Variants in TAFA5 observed in about 807,000 individuals in gnomAD.
The protein encoded by TAFA5 is TAFA chemokine like family member 5.
A neutral mutation model predicts 15.3 loss-of-function variants in TAFA5; 6 were observed. That is an observed-to-expected ratio of 0.39 (90% CI 0.21 to 0.77). The LOEUF is 0.77. TAFA5 is among the 30% of genes least tolerant of loss of function. The pLI, the probability that TAFA5 is intolerant of heterozygous loss-of-function variation, is 0.41. For synonymous variants in TAFA5, 103 were observed against 80.7 expected (o/e 1.28, Z -1.48); for missense variants, 161 against 193.1 (o/e 0.83, Z 0.98).
intron 1 of TAFA5, among the ~76,000 whole-genome samples, chr22:48,532,682 A>T (rs1922014235): frequency 6.6e-6 from 1 of 152,090 alleles, no homozygotes; most frequent in African/African-American, 2.4e-5. Flanking sequence ...GCCATCTCAC[A>T]CGTGGCTTCC....
chr22:48,506,673 A>T (rs374666229), intron 1 of TAFA5, among the ~76,000 whole-genome samples: 1 of 152,160 alleles, frequency 6.6e-6, no homozygotes, highest in African/African-American at 2.4e-5. Context: ...GCTGATGAGA[A>T]TGAAGAGGGA....
chr22:48,502,968 G>A (rs1470694984), intron 1 of TAFA5, among the ~76,000 whole-genome samples: 2 of 152,190 alleles, frequency 1.3e-5, no homozygotes, highest in South Asian at 2.1e-4. Flanking sequence ...TCATTTATTG[G>A]TGCTAATTCA....
intron 1 of TAFA5, among the ~76,000 whole-genome samples, chr22:48,577,316 G>T (rs1477707122): frequency 6.6e-6 from 1 of 152,176 alleles, no homozygotes; most frequent in African/African-American, 2.4e-5. Context: ...TCGGCTCCAG[G>T]CACCCCAGAC....
intron 1 of TAFA5, among the ~76,000 whole-genome samples, chr22:48,558,565 C>T (rs191237870): frequency 7.9e-5 from 12 of 152,296 alleles, no homozygotes; most frequent in South Asian, 2.1e-4. Context: ...TCCATGTGAG[C>T]GTGGCCTCAG....
At chr22:48,744,419 T>C (rs130227) in intron 3 of TAFA5, among the ~76,000 whole-genome samples, 54,791 of 152,040 alleles carry the variant, frequency 0.36, 10,615 homozygotes, top group Non-Finnish European at 0.43. Context: ...TGGAGCGGTG[T>C]GGCGAGCAGG....
chr22:48,749,395 A>C (rs1930418294), intron 3 of TAFA5, among the ~76,000 whole-genome samples: 1 of 152,172 alleles, frequency 6.6e-6, no homozygotes, highest in Non-Finnish European at 1.5e-5. Context: ...GGGTGCGGCC[A>C]GGTCCCCCAG....
At chr22:48,502,381 G>A (rs534788370) in intron 1 of TAFA5, among the ~76,000 whole-genome samples, 122 of 150,060 alleles carry the variant, frequency 8.1e-4, no homozygotes, top group African/African-American at 3.0e-3. Flanking sequence ...CCTGGGGCCC[G>A]ATGCCTTGGT....
intron 1 of TAFA5, chr22:48,576,574 A>T (rs1923813918): frequency 6.8e-7 from 1 of 1,479,328 alleles, no homozygotes; most frequent in Non-Finnish European, 9.0e-7. Flanking sequence ...CAAAGAAGGT[A>T]ATTGTCCCCG....
Position 48,742,595 on chromosome 22 carries a change from G to A in TAFA5, c.391-7244G>A, listed in dbSNP as rs575445688. On this transcript the variant is annotated intron_variant, in intron 3 of 3. Transcript: ENST00000402357. This position sits in a 1 kb window ranked among gnomAD's most constrained non-coding sequence, Gnocchi z 6.2. ...GACTGGGCAGCGTGATGGACCAGGC[G>A]ACATGGTGGACCGGGCCGCATGGTG... Among the ~76,000 whole-genome samples, 79 of 151,758 alleles carry A rather than the reference G, an allele frequency of 5.2e-4. No homozygotes were observed. The highest frequency in any genetic ancestry group is 1.6e-3 in the East Asian group (8 of 5,134).
At chr22:48,706,822 G>C (rs762702322) in intron 2 of TAFA5, among the ~76,000 whole-genome samples, 1 of 152,166 alleles carries the variant, frequency 6.6e-6, no homozygotes, top group East Asian at 1.9e-4. Flanking sequence ...TGAGATTCCC[G>C]CAGCGAAGGT....
At chr22:48,708,830 C>T (rs1929163397) in intron 3 of TAFA5, among the ~76,000 whole-genome samples, 1 of 152,216 alleles carries the variant, frequency 6.6e-6, no homozygotes, top group Non-Finnish European at 1.5e-5. Context: ...GGCTGCAGCT[C>T]CTCACACTGG....
chr22:48,579,687 G>A (rs1477072907), intron 1 of TAFA5, among the ~76,000 whole-genome samples: 1 of 152,220 alleles, frequency 6.6e-6, no homozygotes, highest in Non-Finnish European at 1.5e-5. Context: ...GAAGTCTTGA[G>A]TCACTTGGAC....
intron 2 of TAFA5, among the ~76,000 whole-genome samples, chr22:48,654,131 G>T (rs1011578971): frequency 6.6e-6 from 1 of 152,104 alleles, no homozygotes; most frequent in South Asian, 2.1e-4. Flanking sequence ...GGAGGGAAGA[G>T]GGCGGTCACC....
intron 1 of TAFA5, among the ~76,000 whole-genome samples, chr22:48,622,601 A>C (rs1359833672): frequency 6.6e-6 from 1 of 152,216 alleles, no homozygotes; most frequent in Admixed American, 6.5e-5. Context: ...TCTGCCAAGA[A>C]GAGGGCTCGG....
intron 3 of TAFA5, among the ~76,000 whole-genome samples, chr22:48,746,634 T>C (rs1435884732): frequency 2.6e-5 from 4 of 152,152 alleles, no homozygotes; most frequent in Non-Finnish European, 5.9e-5. Context: ...AGTAAGTGGA[T>C]GTTCAGATAG....
intron 1 of TAFA5, among the ~76,000 whole-genome samples, chr22:48,608,114 C>T (rs560782477): frequency 2.2e-4 from 34 of 151,716 alleles, no homozygotes; most frequent in African/African-American, 6.5e-4. Context: ...GCCCCTCCCA[C>T]GGCCCCGGGC....
At position 48,650,059 on chromosome 22, in the gene TAFA5, AGGCTGCCATCTAATTTAAT is replaced by A. The variant is rs1223396321; in HGVS notation, c.262+3314_262+3332del. 7.2e-5 allele frequency among the ~76,000 whole-genome samples: 11 copies of A among 152,298 alleles called. No individual in the cohort carries two copies. The East Asian group carries it at 2.1e-3, about 29-fold the overall frequency. On this transcript the variant is annotated intron_variant, in intron 2 of 3. Coordinates refer to ENST00000402357, the MANE Select transcript of TAFA5 (RefSeq NM_001082967.3). The stretch of plus-strand genomic sequence containing the variant: ...TCTTTTTGCACAGTGGGCATTTTCC[AGGCTGCCATCTAATTTAAT>A]TTTTGCTTTTCTATTTTCTTGCTCT...
chr22:48,684,463 A>G (rs1928292734), intron 2 of TAFA5, among the ~76,000 whole-genome samples: 1 of 152,094 alleles, frequency 6.6e-6, no homozygotes, highest in Admixed American at 6.5e-5. Context: ...TGACCTAACC[A>G]TGGTCTAGAA....
chr22:48,683,115 T>C (rs1928246484), intron 2 of TAFA5, among the ~76,000 whole-genome samples: 1 of 152,188 alleles, frequency 6.6e-6, no homozygotes, highest in Admixed American at 6.5e-5. Context: ...ACAGTCCCGG[T>C]GGCAATACCA....
Sources: allele counts gnomAD v4.1 joint callset (sites outside exome capture counted in the v4.1 genomes callset), GRCh38; gene constraint gnomAD v4.1.1; non-coding constraint Gnocchi (gnomAD v3.1); transcripts MANE v1.5; gene names NCBI Gene and HGNC (gene_info 2026-07-23, HGNC 2026-07-21).